Variants in ATF1 observed in about 807,000 individuals in gnomAD.
ATF1 encodes the protein cyclic AMP-dependent transcription factor ATF-1.
Under a neutral mutation model 34.7 loss-of-function variants are expected in ATF1, and 16 were observed. The ratio of observed to expected loss-of-function variants is 0.46; its 90% CI spans 0.31 to 0.70. ATF1 has a LOEUF of 0.70. ATF1 is among the 30% of genes least tolerant of loss of function. The probability of loss-of-function intolerance (pLI) is 0.05; values close to 1 mark genes in which losing one functional copy is unlikely to be tolerated. For synonymous variants in ATF1, 105 were observed against 113.1 expected, an observed-to-expected ratio of 0.93 and a Z score of 0.46; for missense variants, 255 against 321.6, an observed-to-expected ratio of 0.79 and a Z score of 1.58.
At chr12:50,784,896 T>A (rs1202470204) in intron 2 of ATF1, among the ~76,000 whole-genome samples, 3 of 150,510 alleles carry the variant, frequency 2.0e-5, no homozygotes, top group Non-Finnish European at 4.4e-5. Context: ...TTTATTTATT[T>A]ATTATTTATT....
intron 3 of ATF1, among the ~76,000 whole-genome samples, chr12:50,799,200 C>T (rs975347617): frequency 6.6e-6 from 1 of 152,100 alleles, no homozygotes; most frequent in Non-Finnish European, 1.5e-5. Flanking sequence ...ATCTGTGTAA[C>T]ATAAGGAGAT....
chr12:50,814,242 C>G, intron 5 of ATF1, 38 bp from the exon 6 acceptor site: 1 of 1,613,422 alleles, frequency 6.2e-7, no homozygotes. Context: ...GTCAGAGACA[C>G]TTACTAACTA....
chr12:50,801,568 C>T (rs1015032535), intron 3 of ATF1, among the ~76,000 whole-genome samples: 4 of 152,116 alleles, frequency 2.6e-5, no homozygotes, highest in African/African-American at 9.7e-5. Context: ...AAAAAATCCT[C>T]GACAACATAT....
intron 3 of ATF1, among the ~76,000 whole-genome samples, chr12:50,804,810 CT>C (rs57912155): frequency 0.021 from 2,986 of 142,680 alleles, 69 homozygotes; most frequent in African/African-American, 0.061. Flanking sequence ...CCAACAAGAT[CT>C]TTTTTTTTTT....
intron 2 of ATF1, among the ~76,000 whole-genome samples, chr12:50,786,781 C>CCTGAGA (rs1184752839): frequency 6.6e-6 from 1 of 152,130 alleles, no homozygotes; most frequent in Admixed American, 6.6e-5. Context: ...ATAGGGCCTA[C>CCTGAGA]CTGAGACTGA....
intron 1 of ATF1, among the ~76,000 whole-genome samples, chr12:50,774,803 A>G (rs1350676372): frequency 6.7e-6 from 1 of 149,008 alleles, no homozygotes; most frequent in African/African-American, 2.5e-5. Context: ...GCTGGAGTCC[A>G]GTGGCTTGAT....
chr12:50,819,916 C>A lies in ATF1; in HGVS notation c.*137C>A. 8.4e-6 allele frequency: 6 copies of A among 713,484 alleles called. No individual in the cohort carries two copies. The highest frequency in any genetic ancestry group is 1.1e-5 in the Non-Finnish European group (5 of 458,708). The allele number at this position is 713,484 out of a possible 1,614,324, so 44.2% of individuals were successfully genotyped here. On this transcript the variant is annotated 3_prime_UTR_variant, in exon 7 of 7. Coordinates refer to ENST00000262053, the MANE Select transcript of ATF1 (RefSeq NM_005171.5). ...AAATCAAGGATAAATATCTTACGCA[C>A]GATATCTAGTGACAGAGGAGAAAGT...
intron 1 of ATF1, among the ~76,000 whole-genome samples, chr12:50,767,093 G>C (rs1038880157): frequency 1.3e-5 from 2 of 152,108 alleles, no homozygotes; most frequent in Non-Finnish European, 1.5e-5. Context: ...GATGCTGCAA[G>C]CTTGAACACT....
At chr12:50,809,894 C>CT (rs957305356) in intron 4 of ATF1, among the ~76,000 whole-genome samples, 10 of 152,140 alleles carry the variant, frequency 6.6e-5, no homozygotes, top group African/African-American at 9.7e-5. Flanking sequence ...AGTGCAGTGG[C>CT]ACAATCTTGG....
intron 2 of ATF1, 91 bp downstream of exon 2, chr12:50,780,329 A>T: frequency 1.6e-6 from 2 of 1,221,814 alleles, no homozygotes; most frequent in Admixed American, 2.5e-5. Context: ...AATGTGTTTT[A>T]TTTTGGTTTT....
At chr12:50,766,269 A>G (rs1165809697) in intron 1 of ATF1, among the ~76,000 whole-genome samples, 1 of 152,138 alleles carries the variant, frequency 6.6e-6, no homozygotes, top group Non-Finnish European at 1.5e-5. Flanking sequence ...CTCTTAATAA[A>G]AGGCAAGGAC....
At chr12:50,781,242 A>G (rs1272815882) in intron 2 of ATF1, among the ~76,000 whole-genome samples, 1 of 152,176 alleles carries the variant, frequency 6.6e-6, no homozygotes, top group African/African-American at 2.4e-5. Flanking sequence ...AATCATTTCT[A>G]GATTACTTTT....
intron 1 of ATF1, among the ~76,000 whole-genome samples, chr12:50,773,415 C>T (rs1940828340): frequency 2.0e-5 from 3 of 151,062 alleles, no homozygotes; most frequent in South Asian, 2.1e-4. Context: ...CTCCAAACCT[C>T]GCCAACTGTT....
In ATF1 at chr12:50,819,671, A is replaced by G; in HGVS notation, c.708A>G (p.Glu236=). The G allele has an allele frequency of 1.2e-6, 2 of 1,613,432 alleles. No homozygotes were observed. Among genetic ancestry groups the G allele is most frequent in the Non-Finnish European group, 1.7e-6 (2 of 1,179,820 alleles). The change falls in exon 7 of 7, where the codon GAA becomes GAG. Residue 236 remains glutamate, a synonymous_variant. Transcript: ENST00000262053. ...AARECRRKKK[E]YVKCLENRVA... is the part of the protein sequence containing the mutation. ...GAGAATGTCGCAGAAAGAAGAAAGA[A>G]TATGTGAAATGCCTGGAAAACCGAG...
At chr12:50,784,922 G>T (rs1466558267) in intron 2 of ATF1, among the ~76,000 whole-genome samples, 1 of 151,058 alleles carries the variant, frequency 6.6e-6, no homozygotes, top group East Asian at 1.9e-4. Flanking sequence ...TATACTTTAA[G>T]TTTTAGGGTA....
At chr12:50,779,981 A>T (rs550660978) in intron 1 of ATF1, among the ~76,000 whole-genome samples, 159 bp from the exon 2 acceptor site, 2 of 152,314 alleles carry the variant, frequency 1.3e-5, no homozygotes, top group South Asian at 4.1e-4. Context: ...AATTCAAAAA[A>T]TTTAAAGAAA....
chr12:50,769,374 C>T (rs768666476), intron 1 of ATF1, among the ~76,000 whole-genome samples: 8 of 151,978 alleles, frequency 5.3e-5, no homozygotes, highest in African/African-American at 9.7e-5. Context: ...GGCATGGTGG[C>T]GCACACCTGT....
At chr12:50,776,773 GA>G (rs1940937216) in intron 1 of ATF1, among the ~76,000 whole-genome samples, 1 of 152,068 alleles carries the variant, frequency 6.6e-6, no homozygotes, top group African/African-American at 2.4e-5. Flanking sequence ...TAATTACAGA[GA>G]AAGGTTTATG....
chr12:50,766,907 C>T (rs1370756095), intron 1 of ATF1, among the ~76,000 whole-genome samples: 1 of 152,172 alleles, frequency 6.6e-6, no homozygotes, highest in Non-Finnish European at 1.5e-5. Flanking sequence ...AACTCCAAGT[C>T]GGAGGTTGAA....
Sources: allele counts gnomAD v4.1 joint callset (sites outside exome capture counted in the v4.1 genomes callset), GRCh38; gene constraint gnomAD v4.1.1; transcripts MANE v1.5; gene names NCBI Gene and HGNC (gene_info 2026-07-23, HGNC 2026-07-21).